Variants in RELN observed in about 807,000 individuals in gnomAD.
RELN encodes reelin.
Under a neutral mutation model 427.6 loss-of-function variants are expected in RELN, and 108 were observed. The observed-to-expected ratio is 0.25, with a 90% CI of 0.22 to 0.30. The LOEUF is 0.30. Ranked by LOEUF, RELN falls within the 10% of genes least tolerant of loss-of-function variation. The pLI, the probability that RELN is intolerant of heterozygous loss-of-function variation, is 1.00. For synonymous variants in RELN, 1,524 were observed against 1,513.4 expected (o/e 1.01, Z -0.16); for missense variants, 3,715 against 4,302.8 (o/e 0.86, Z 3.82).
At chr7:103,602,264 C>A (rs1395273312) in intron 24 of RELN, among the ~76,000 whole-genome samples, 1 of 152,080 alleles carries the variant, frequency 6.6e-6, no homozygotes, top group Admixed American at 6.6e-5. Flanking sequence ...GCTAAATCAC[C>A]AGGAGGTTGA....
chr7:103,758,764 C>A (rs977242995), intron 4 of RELN, among the ~76,000 whole-genome samples: 3 of 149,958 alleles, frequency 2.0e-5, no homozygotes, highest in Non-Finnish European at 3.0e-5. Flanking sequence ...CTTATGATTT[C>A]TTTTCCAGAT....
intron 22 of RELN, among the ~76,000 whole-genome samples, chr7:103,609,222 C>CAAAAA (rs11342938): frequency 1.7e-5 from 2 of 120,702 alleles, no homozygotes; most frequent in Non-Finnish European, 3.5e-5. Flanking sequence ...GACTCTGTCT[C>CAAAAA]AAAAAAAAAA....
chr7:103,561,536 T>C lies in RELN; in HGVS notation c.5525A>G (p.Lys1842Arg). 6.2e-7 allele frequency: 1 copy of C among 1,612,644 alleles called. No individual in the cohort carries two copies. The highest frequency in any genetic ancestry group is 2.2e-5 in the East Asian group (1 of 44,880). The change falls in exon 36 of 65, where the codon AAA (lysine) becomes AGA (arginine). Residue 1842 changes from lysine (K) to arginine (R), a missense_variant. Physicochemically the swap from Lys to Arg is conservative, Grantham distance 26. Around this residue, in one of 4 missense-constraint regions of RELN, gnomAD observed 2,208 missense variants for 2,361.7 expected, o/e 0.93. Coordinates refer to ENST00000428762, the MANE Select transcript of RELN (RefSeq NM_005045.4). ...AGAATCTTATCTGTATCTGACCCCT[T>C]TAAAAATTAGAGATGTTCCAGATTT... ...TIKSGTSLIF[K>R]GEGLRMLISR...
chr7:103,787,664 A>G (rs551796478), intron 3 of RELN, among the ~76,000 whole-genome samples: 1 of 152,326 alleles, frequency 6.6e-6, no homozygotes, highest in African/African-American at 2.4e-5. Context: ...TAAAACAGTA[A>G]CAAGTTCTGA....
intron 48 of RELN, among the ~76,000 whole-genome samples, chr7:103,520,957 ATTTTTTT>A (rs55830035): frequency 1.1e-3 from 91 of 79,192 alleles, no homozygotes; most frequent in Middle Eastern, 0.011. Flanking sequence ...TAAATTTGTT[ATTTTTTT>A]TTTTTTTTTT....
chr7:103,561,142 C>A (rs978944822), intron 36 of RELN, among the ~76,000 whole-genome samples: 1 of 151,468 alleles, frequency 6.6e-6, no homozygotes, highest in Non-Finnish European at 1.5e-5. Flanking sequence ...CCAAATGGTT[C>A]TATTGGCAGA....
intron 2 of RELN, among the ~76,000 whole-genome samples, chr7:103,898,838 T>C (rs563396574): frequency 3.0e-4 from 46 of 152,154 alleles, no homozygotes; most frequent in African/African-American, 1.1e-3. Context: ...TTTTAAAAAT[T>C]AGCATTTTTA....
chr7:103,896,836 G>A (rs766379613), intron 2 of RELN, among the ~76,000 whole-genome samples: 3 of 151,956 alleles, frequency 2.0e-5, no homozygotes, highest in Non-Finnish European at 4.4e-5. Context: ...AGACTGATAC[G>A]ACTTCAATTA....
At chr7:103,896,869 T>C (rs188384562) in intron 2 of RELN, among the ~76,000 whole-genome samples, 2 of 152,220 alleles carry the variant, frequency 1.3e-5, no homozygotes, top group Admixed American at 1.3e-4. Flanking sequence ...ATTACTATAT[T>C]AGTCTGTTCT....
chr7:103,603,376 A>T lies in RELN; in HGVS notation c.3261T>A (p.Ile1087=), dbSNP rs1442384800. The T allele has an allele frequency of 5.6e-6, 9 of 1,613,850 alleles. No homozygotes were observed. Among genetic ancestry groups the T allele is most frequent in the Non-Finnish European group, 7.6e-6 (9 of 1,179,818 alleles). The change falls in exon 24 of 65, where the codon ATT becomes ATA. Residue 1087 remains isoleucine, a synonymous_variant. Transcript: ENST00000428762. The surrounding 1 kb of genome is among the most constrained non-coding windows in gnomAD (Gnocchi z 4.3). ...NGWESDWQEV[I]GGEIVKPEQG... The stretch of plus-strand genomic sequence containing the variant: ...GTTCTGGTTTTACAATTTCTCCCCC[A>T]ATAACTTCTTGCCAGTCAGACTCCC...
At chr7:103,530,890 A>G (rs1829923501) in intron 46 of RELN, among the ~76,000 whole-genome samples, 1 of 152,178 alleles carries the variant, frequency 6.6e-6, no homozygotes, top group African/African-American at 2.4e-5. Flanking sequence ...AGCAGGTATT[A>G]TTTTTCAGTG....
intron 1 of RELN, among the ~76,000 whole-genome samples, chr7:103,985,101 G>A (rs549709209): frequency 6.6e-6 from 1 of 152,038 alleles, no homozygotes; most frequent in African/African-American, 2.4e-5. Flanking sequence ...TTAAGTAAAT[G>A]TTTAGTTTTA....
At chr7:103,674,451 T>C (rs1382595649) in intron 11 of RELN, among the ~76,000 whole-genome samples, 1 of 152,146 alleles carries the variant, frequency 6.6e-6, no homozygotes, top group Non-Finnish European at 1.5e-5. Context: ...GTGATTTAGA[T>C]TATTTGCTTA....
At chr7:103,637,550 T>C (rs10257108) in intron 17 of RELN, among the ~76,000 whole-genome samples, 34,162 of 152,030 alleles carry the variant, frequency 0.22, 4,397 homozygotes, top group African/African-American at 0.35. Flanking sequence ...AGAAGGTCCA[T>C]AGGTTTTATC....
chr7:103,814,923 T>C (rs958703274), intron 3 of RELN, among the ~76,000 whole-genome samples: 9 of 152,244 alleles, frequency 5.9e-5, no homozygotes, highest in African/African-American at 1.9e-4. Flanking sequence ...AAGATAGTAT[T>C]ATCCAAGCTA....
chr7:103,579,051 T>C (rs953556139), intron 28 of RELN, among the ~76,000 whole-genome samples: 1 of 152,212 alleles, frequency 6.6e-6, no homozygotes, highest in African/African-American at 2.4e-5. Flanking sequence ...CTAGGCACAG[T>C]GCTAACGCTA....
chr7:103,572,827 T>C (rs1390054602), intron 30 of RELN, among the ~76,000 whole-genome samples: 3 of 152,240 alleles, frequency 2.0e-5, no homozygotes, highest in African/African-American at 7.2e-5. Flanking sequence ...TAGTTAACAC[T>C]ATCCTTGGAA....
At position 103,497,946 on chromosome 7, in the gene RELN, A is replaced by T. The variant is rs142002220; in HGVS notation, c.8844-20T>A. 6.2e-7 allele frequency: 1 copy of T among 1,609,826 alleles called. No homozygotes were observed. Among genetic ancestry groups the T allele is most frequent in the African/African-American group, 1.3e-5 (1 of 74,864 alleles). ...AGGAACCTGAATGCAAGCACATTTT[A>T]TCCATCAGAATAATTCATTAGAACA... On this transcript the variant is annotated intron_variant, in intron 54 of 64. Coordinates refer to ENST00000428762, the MANE Select transcript of RELN (RefSeq NM_005045.4).
At chr7:103,975,111 C>T (rs1796844019) in intron 1 of RELN, among the ~76,000 whole-genome samples, 1 of 152,190 alleles carries the variant, frequency 6.6e-6, no homozygotes. Flanking sequence ...TCTTTTCAAA[C>T]ATTGTTATCA....
Sources: gnomAD v4.1 joint callset for allele counts (sites outside exome capture counted in the v4.1 genomes callset) on GRCh38, gnomAD v4.1.1 for gene constraint, gnomAD v4.1.1 regional missense constraint, Gnocchi (gnomAD v3.1) non-coding constraint, MANE v1.5 for transcripts, NCBI Gene and HGNC (gene_info 2026-07-23, HGNC 2026-07-21) for gene names.